AFDN: variants seen among roughly 807,000 people sequenced by gnomAD.
AFDN encodes afadin, adherens junction formation factor.
AFDN carries 68 observed loss-of-function variants against 216.6 expected under a neutral mutation model. The ratio of observed to expected loss-of-function variants is 0.31; its 90% CI spans 0.26 to 0.38. The LOEUF is 0.38. Among genes scored for constraint, AFDN ranks in the 10% least tolerant of loss-of-function variants. The pLI is 1.00. For synonymous variants in AFDN, 868 were observed against 853.7 expected (o/e 1.02, Z -0.29); for missense variants, 2,136 against 2,342.0 (o/e 0.91, Z 1.82).
chr6:167,863,498 G>A (rs1203203883), intron 1 of AFDN, among the ~76,000 whole-genome samples: 4 of 152,240 alleles, frequency 2.6e-5, no homozygotes, highest in Admixed American at 6.5e-5. Flanking sequence ...AAGGAATGAT[G>A]TGTTGTGACT....
chr6:167,886,969 C>T (rs148869865), intron 6 of AFDN, among the ~76,000 whole-genome samples: 2,654 of 145,014 alleles, frequency 0.018, 26 homozygotes, highest in Middle Eastern at 0.033. Context: ...GAGCTGAGAT[C>T]GCACCACTGC....
At chr6:167,872,521 C>A in intron 4 of AFDN, 144 bp downstream of exon 4, 2 of 875,166 alleles carry the variant, frequency 2.3e-6, no homozygotes, top group Non-Finnish European at 3.6e-6. Flanking sequence ...CCCAGCTCTT[C>A]TGTGTGGAGG....
Position 167,918,470 on chromosome 6 carries a change from A to G in AFDN, c.2710-265A>G, listed in dbSNP as rs78197116. On this transcript the variant is annotated intron_variant, in intron 20 of 33. Transcript: ENST00000683244. ...GATTGAACAATTTCTTTTTATTTAA[A>G]GCTACACGTTACTTAAAATTAGTAA... 6.8e-3 allele frequency among the ~76,000 whole-genome samples: 1,037 copies of G among 152,284 alleles called. 16 individuals are homozygous for G. The highest frequency in any genetic ancestry group is 0.024 in the African/African-American group (998 of 41,562).
intron 30 of AFDN, among the ~76,000 whole-genome samples, chr6:167,958,721 G>A (rs1375217565): frequency 2.0e-5 from 3 of 152,204 alleles, no homozygotes; most frequent in East Asian, 1.9e-4. Flanking sequence ...TTGTTTTTGC[G>A]TGGAACTGTA....
chr6:167,947,878 A>C lies in AFDN; in HGVS notation c.3579A>C (p.Lys1193Asn). 6.2e-7 allele frequency: 1 copy of C among 1,613,948 alleles called. No individual in the cohort carries two copies. Among genetic ancestry groups the C allele is most frequent in the Non-Finnish European group, 8.5e-7 (1 of 1,179,872 alleles). Residue 1193 changes from lysine (K) to asparagine (N), a missense_variant, in exon 28 of 34, where the codon AAA becomes AAC. Lys to Asn is a moderately conservative substitution (Grantham distance 94). This residue lies in a region of AFDN where 981 missense variants were observed against 966.0 expected (regional missense o/e 1.02). Coordinates refer to ENST00000683244, the MANE Select transcript of AFDN (RefSeq NM_001386888.1). The part of the protein sequence containing the change: ...VANQPPSPGG[K>N]SAYASGTTAK... ...ATCAGCCTCCTAGTCCTGGAGGGAAAAGTGCATATGCCTCTGGAACAACAG... is the reference window on the plus strand; with the variant it reads ...ATCAGCCTCCTAGTCCTGGAGGGAACAGTGCATATGCCTCTGGAACAACAG...
rs1779167667 is a variant in AFDN at position 167,827,091 on chromosome 6, C to T, written c.-42C>T. 1.8e-6 allele frequency: 2 copies of T among 1,116,022 alleles called. No homozygotes were observed. Among genetic ancestry groups the T allele is most frequent in the African/African-American group, 1.7e-5 (1 of 59,196 alleles). The allele number at this position is 1,116,022 out of a possible 1,614,324, so 69.1% of individuals were successfully genotyped here. ...GGACCTGTCGTCCTCGGCCCGTCCT[C>T]CGGCCCCGGCCCCGCGCGGCTGAGG... On this transcript the variant is annotated 5_prime_UTR_variant, in exon 1 of 34. Coordinates refer to ENST00000683244, the MANE Select transcript of AFDN (RefSeq NM_001386888.1).
At chr6:167,888,543 C>T (rs1007293231) in intron 6 of AFDN, among the ~76,000 whole-genome samples, 3 of 152,116 alleles carry the variant, frequency 2.0e-5, no homozygotes, top group African/African-American at 7.2e-5. Flanking sequence ...CTCCATATTA[C>T]AGTGTTTTGG....
Position 167,946,719 on chromosome 6 carries a change from G to T in AFDN, c.3371G>T (p.Arg1124Leu). 1.2e-6 allele frequency: 2 copies of T among 1,613,684 alleles called. No individual in the cohort carries two copies. The highest frequency in any genetic ancestry group is 1.7e-6 in the Non-Finnish European group (2 of 1,179,852). Residue 1124 changes from arginine (R) to leucine (L), a missense_variant, in exon 27 of 34, where the codon CGT becomes CTT. Arg to Leu is a moderately radical substitution (Grantham distance 102). Coordinates refer to ENST00000683244, the MANE Select transcript of AFDN (RefSeq NM_001386888.1). ...SPMMQRISDRRGSGKPRPKSE... is the reference protein window; with the variant it reads ...SPMMQRISDRLGSGKPRPKSE... ...GCTTTGATTCCAGTTTCAGATCGTCGTGGCTCAGGTAAACCCCGACCAAAG... is the reference window on the plus strand; with the variant it reads ...GCTTTGATTCCAGTTTCAGATCGTCTTGGCTCAGGTAAACCCCGACCAAAG...
chr6:167,847,251 A>T (rs1781801260), intron 1 of AFDN, among the ~76,000 whole-genome samples: 1 of 152,084 alleles, frequency 6.6e-6, no homozygotes. Flanking sequence ...ATCCCAATAC[A>T]CACTCTTTTC....
In AFDN at chr6:167,962,326, G is replaced by A. The variant is rs552555180; in HGVS notation, c.4834-107G>A. The A allele has an allele frequency of 9.2e-5, 111 of 1,211,122 alleles. No homozygotes were observed. In the African/African-American group the frequency reaches 1.4e-3, roughly 15 times the overall value. 75.0% of individuals were successfully genotyped at this position (1,211,122 alleles called of 1,614,324 possible). On this transcript the variant is annotated intron_variant, in intron 30 of 33. Transcript: ENST00000683244. The surrounding 1 kb of genome is among the most constrained non-coding windows in gnomAD (Gnocchi z 5.2). ...CCTGGTATTTTATATTTAACTTTCT[G>A]TGTGTGTGTGTTTGTGTATATGTGT...
intron 30 of AFDN, among the ~76,000 whole-genome samples, chr6:167,957,963 G>C (rs561542836): frequency 6.6e-6 from 1 of 152,212 alleles, no homozygotes; most frequent in African/African-American, 2.4e-5. Flanking sequence ...CACAGAGCAC[G>C]TGAGAGCCAG....
At chr6:167,839,491 A>G (rs1334065994) in intron 1 of AFDN, among the ~76,000 whole-genome samples, 2 of 152,110 alleles carry the variant, frequency 1.3e-5, no homozygotes, top group Non-Finnish European at 2.9e-5. Context: ...GCCTGTTAGG[A>G]GTCAGACTTT....
Position 167,827,112 on chromosome 6 carries a change from T to C in AFDN, c.-21T>C, listed in dbSNP as rs1389360931. 1 of 1,224,796 alleles carries C rather than the reference T, an allele frequency of 8.2e-7. No individual in the cohort carries two copies. Among genetic ancestry groups the C allele is most frequent in the South Asian group, 1.4e-5 (1 of 70,042 alleles). The allele number at this position is 1,224,796 out of a possible 1,614,324, so 75.9% of individuals were successfully genotyped here. A position where few individuals can be genotyped will look rare whatever the true frequency, so the allele number is the denominator to read the frequency against. The stretch of plus-strand genomic sequence containing the variant: ...TCCTCCGGCCCCGGCCCCGCGCGGC[T>C]GAGGAGGCGCGGCCAGGACCATGTC... On this transcript the variant is annotated 5_prime_UTR_variant, in exon 1 of 34. Transcript: ENST00000683244.
chr6:167,965,638 G>T (rs981698367), intron 31 of AFDN, 119 bp from the exon 32 acceptor site: 2 of 924,458 alleles, frequency 2.2e-6, no homozygotes, highest in African/African-American at 1.7e-5. Flanking sequence ...CATAGTAATT[G>T]TAACTATTAA....
intron 3 of AFDN, 122 bp from the exon 4 acceptor site, chr6:167,872,092 C>T (rs938041580): frequency 1.2e-5 from 11 of 885,628 alleles, no homozygotes; most frequent in Admixed American, 1.2e-4. Flanking sequence ...TCCAGACCTT[C>T]CTGTGTTTCA....
chr6:167,946,150 T>C (rs887274685), intron 26 of AFDN, among the ~76,000 whole-genome samples: 1 of 152,232 alleles, frequency 6.6e-6, no homozygotes, highest in South Asian at 2.1e-4. Flanking sequence ...CACGTAGAAC[T>C]TAACATCTTG....
At chr6:167,967,632 C>T (rs1240993536) in intron 32 of AFDN, among the ~76,000 whole-genome samples, 1 of 152,100 alleles carries the variant, frequency 6.6e-6, no homozygotes, top group Non-Finnish European at 1.5e-5. Context: ...TGAGGTGTCA[C>T]TACTCACCAT....
chr6:167,939,712 A>T (rs73034985), intron 23 of AFDN, among the ~76,000 whole-genome samples: 2,987 of 152,312 alleles, frequency 0.02, 53 homozygotes, highest in Non-Finnish European at 0.033. Context: ...AAATTATTAA[A>T]TGTGTGAAAA....
intron 12 of AFDN, among the ~76,000 whole-genome samples, chr6:167,905,839 C>T (rs1789596111): frequency 6.6e-6 from 1 of 152,182 alleles, no homozygotes; most frequent in Non-Finnish European, 1.5e-5. Context: ...GATGTGGTGG[C>T]TCACGCCTAT....
Sources: allele counts gnomAD v4.1 joint callset (sites outside exome capture counted in the v4.1 genomes callset), GRCh38; gene constraint gnomAD v4.1.1; regional missense constraint gnomAD v4.1.1; non-coding constraint Gnocchi (gnomAD v3.1); transcripts MANE v1.5; gene names NCBI Gene and HGNC (gene_info 2026-07-23, HGNC 2026-07-21).